ERC2: variants seen among roughly 807,000 people sequenced by gnomAD.
The protein encoded by ERC2 is ELKS/RAB6-interacting/CAST family member 2.
Under a neutral mutation model 114.8 loss-of-function variants are expected in ERC2, and 42 were observed. That is an observed-to-expected ratio of 0.37 (90% CI 0.29 to 0.47). The LOEUF (loss-of-function observed/expected upper bound fraction) is 0.47. ERC2 is among the 20% of genes least tolerant of loss of function. ERC2 has a pLI of 0.99. For missense variants in ERC2, 939 were observed against 1,150.7 expected (o/e 0.82, Z 2.66); for synonymous variants, 454 against 425.5 (o/e 1.07, Z -0.82).
At chr3:56,042,741 T>G (rs1482634939) in intron 7 of ERC2, among the ~76,000 whole-genome samples, 1 of 152,168 alleles carries the variant, frequency 6.6e-6, no homozygotes, top group Admixed American at 6.5e-5. Flanking sequence ...CAATTCTCGG[T>G]GCTTAACTGA....
chr3:56,140,815 G>A (rs1055707241), intron 5 of ERC2, among the ~76,000 whole-genome samples: 4 of 152,078 alleles, frequency 2.6e-5, no homozygotes, highest in African/African-American at 9.7e-5. Flanking sequence ...CACAAGGTCA[G>A]GAGTTCGAGA....
intron 3 of ERC2, among the ~76,000 whole-genome samples, chr3:56,234,558 A>G (rs1255956793): frequency 1.3e-5 from 2 of 152,234 alleles, no homozygotes; most frequent in African/African-American, 4.8e-5. Context: ...GGACATTCAG[A>G]TGGTTAATGG....
chr3:56,086,207 C>T (rs1042985714), intron 6 of ERC2, among the ~76,000 whole-genome samples: 1 of 152,112 alleles, frequency 6.6e-6, no homozygotes, highest in African/African-American at 2.4e-5. Context: ...AGTGCCCTGT[C>T]GCATCTTCCC....
At chr3:55,863,144 C>T (rs1013006559) in intron 14 of ERC2, among the ~76,000 whole-genome samples, 5 of 152,194 alleles carry the variant, frequency 3.3e-5, no homozygotes, top group Admixed American at 6.5e-5. Flanking sequence ...AAACTGTCAG[C>T]GCCAGGAGAC....
At chr3:55,870,576 C>G (rs1221707570) in intron 14 of ERC2, among the ~76,000 whole-genome samples, 1 of 152,134 alleles carries the variant, frequency 6.6e-6, no homozygotes, top group African/African-American at 2.4e-5. Context: ...ACAGAGCCAG[C>G]AGAGCAGGTG....
At position 55,699,504 on chromosome 3, in the gene ERC2, G is replaced by A. The variant is rs745877340; in HGVS notation, c.2721C>T (p.Asn907=). The A allele has an allele frequency of 1.2e-6, 2 of 1,611,788 alleles. No individual in the cohort carries two copies. Among genetic ancestry groups the A allele is most frequent in the African/African-American group, 1.3e-5 (1 of 74,804 alleles). ...AGTTGTCTGCCATCAACTTCATTCT[G>A]TTCTGGGTCTGTGCAGAACAAAAAC... ...LVHQLKQQTQ[N]RMKLMADNYD... The change falls in exon 16 of 18, where the codon AAC becomes AAT. Residue 907 remains asparagine (N), a synonymous_variant. Coordinates refer to ENST00000288221, the MANE Select transcript of ERC2 (RefSeq NM_015576.3).
At chr3:55,686,937 G>A (rs1394246883) in intron 16 of ERC2, among the ~76,000 whole-genome samples, 2 of 152,142 alleles carry the variant, frequency 1.3e-5, no homozygotes, top group Non-Finnish European at 2.9e-5. Context: ...AAGGTGGACC[G>A]AAGCCCAGAG....
chr3:55,995,681 C>T (rs2149532900), intron 10 of ERC2, among the ~76,000 whole-genome samples: 1 of 152,224 alleles, frequency 6.6e-6, no homozygotes, highest in Admixed American at 6.5e-5. Flanking sequence ...GAGGCAAAAG[C>T]CTCTAAAGAA....
At chr3:55,662,361 G>A (rs1185109716) in intron 17 of ERC2, among the ~76,000 whole-genome samples, 1 of 152,198 alleles carries the variant, frequency 6.6e-6, no homozygotes, top group Non-Finnish European at 1.5e-5. Flanking sequence ...AACCTTGGCA[G>A]GGGAATTCCA....
At chr3:56,241,946 C>T (rs1033239603) in intron 3 of ERC2, among the ~76,000 whole-genome samples, 1 of 152,130 alleles carries the variant, frequency 6.6e-6, no homozygotes, top group African/African-American at 2.4e-5. Flanking sequence ...TGTTTCCATG[C>T]TACAATGGCA....
At chr3:56,171,972 C>CAA (rs1350499338) in intron 4 of ERC2, among the ~76,000 whole-genome samples, 2 of 59,560 alleles carry the variant, frequency 3.4e-5, no homozygotes, top group East Asian at 4.5e-4. Flanking sequence ...TCACCCTTTG[C>CAA]AAAAACAAAA....
intron 1 of ERC2, among the ~76,000 whole-genome samples, chr3:56,444,172 C>T (rs1372636735): frequency 3.3e-5 from 5 of 150,448 alleles, no homozygotes; most frequent in African/African-American, 1.2e-4. Flanking sequence ...GGGGTTTCAC[C>T]GTGTTAGCCA....
intron 6 of ERC2, among the ~76,000 whole-genome samples, chr3:56,123,928 C>T (rs1575506929): frequency 6.6e-6 from 1 of 152,168 alleles, no homozygotes; most frequent in Admixed American, 6.5e-5. Flanking sequence ...AAGGGTATGT[C>T]GCCTAACTTA....
intron 3 of ERC2, among the ~76,000 whole-genome samples, chr3:56,244,462 T>C (rs1479903424): frequency 6.6e-6 from 1 of 152,088 alleles, no homozygotes; most frequent in Admixed American, 6.5e-5. Context: ...GAAGAAGGCA[T>C]TGACATCATA....
At chr3:56,152,628 T>G (rs943677678) in intron 4 of ERC2, among the ~76,000 whole-genome samples, 5 of 152,178 alleles carry the variant, frequency 3.3e-5, no homozygotes, top group Admixed American at 1.3e-4. Flanking sequence ...TGTTTTGTCT[T>G]TATATTATAT....
intron 3 of ERC2, among the ~76,000 whole-genome samples, chr3:56,276,459 TAAA>T (rs766683320): frequency 4.8e-5 from 4 of 82,902 alleles, no homozygotes; most frequent in Non-Finnish European, 7.2e-5. Flanking sequence ...CAAACTCAGC[TAAA>T]AAAAAAAAAA....
intron 2 of ERC2, among the ~76,000 whole-genome samples, chr3:56,419,516 C>T (rs1475584162): frequency 6.6e-6 from 1 of 152,228 alleles, no homozygotes; most frequent in Admixed American, 6.5e-5. Flanking sequence ...GAATGCAGTA[C>T]AGTCCATCAG....
intron 11 of ERC2, among the ~76,000 whole-genome samples, chr3:55,990,698 G>A (rs908146178): frequency 6.6e-6 from 1 of 152,122 alleles, no homozygotes; most frequent in Non-Finnish European, 1.5e-5. Context: ...TTATAGATAC[G>A]AGCCACCATA....
intron 2 of ERC2, among the ~76,000 whole-genome samples, chr3:56,417,214 C>T (rs73077740): frequency 2.6e-5 from 4 of 152,256 alleles, no homozygotes; most frequent in Non-Finnish European, 5.9e-5. Flanking sequence ...GCAACATAAG[C>T]GTCTGCCTTT....
Sources: gnomAD v4.1 joint callset for allele counts (sites outside exome capture counted in the v4.1 genomes callset) on GRCh38, gnomAD v4.1.1 for gene constraint, MANE v1.5 for transcripts, NCBI Gene and HGNC (gene_info 2026-07-23, HGNC 2026-07-21) for gene names.